Variants in KCNH7 observed in about 807,000 individuals in gnomAD.
KCNH7 encodes the protein voltage-gated inwardly rectifying potassium channel KCNH7.
In KCNH7, 49 loss-of-function variants were observed where a neutral mutation model predicts 120.8. The ratio of observed to expected loss-of-function variants is 0.41; its 90% CI spans 0.32 to 0.51. The LOEUF (loss-of-function observed/expected upper bound fraction) is 0.51, where lower values mean the gene tolerates loss of function less well. Among genes scored for constraint, KCNH7 ranks in the 20% least tolerant of loss-of-function variants. The probability of loss-of-function intolerance (pLI) is 0.38; values close to 1 mark genes in which losing one functional copy is unlikely to be tolerated. For missense variants in KCNH7, 1,097 were observed against 1,446.6 expected, an observed-to-expected ratio of 0.76 and a Z score of 3.92; for synonymous variants, 547 against 516.1, an observed-to-expected ratio of 1.06 and a Z score of -0.81.
intron 3 of KCNH7, among the ~76,000 whole-genome samples, chr2:162,527,537 T>C (rs1012022851): frequency 6.6e-6 from 1 of 151,992 alleles, no homozygotes; most frequent in African/African-American, 2.4e-5. Context: ...GAGGCAAATG[T>C]GTATTTTATG....
intron 2 of KCNH7, among the ~76,000 whole-genome samples, chr2:162,753,483 C>A (rs898645097): frequency 6.6e-6 from 1 of 152,164 alleles, no homozygotes; most frequent in African/African-American, 2.4e-5. Context: ...AGAAAAAATT[C>A]TGAGCAGATG....
intron 2 of KCNH7, among the ~76,000 whole-genome samples, chr2:162,684,929 C>G (rs370639240): frequency 6.6e-6 from 1 of 152,056 alleles, no homozygotes; most frequent in Non-Finnish European, 1.5e-5. Context: ...TTCACAATGG[C>G]AAAGACTTGG....
intron 6 of KCNH7, among the ~76,000 whole-genome samples, chr2:162,471,108 C>CGGAGGG (rs1479337070): frequency 6.6e-6 from 1 of 152,144 alleles, no homozygotes; most frequent in Non-Finnish European, 1.5e-5. Flanking sequence ...ACAAACACTG[C>CGGAGGG]GGAGGGCCGC....
At chr2:162,818,149 T>C (rs1684981326) in intron 2 of KCNH7, among the ~76,000 whole-genome samples, 1 of 151,970 alleles carries the variant, frequency 6.6e-6, no homozygotes, top group Non-Finnish European at 1.5e-5. Flanking sequence ...ATTCTTATAG[T>C]TAGTGCCTTT....
At chr2:162,757,390 A>G (rs566741533) in intron 2 of KCNH7, among the ~76,000 whole-genome samples, 1 of 152,282 alleles carries the variant, frequency 6.6e-6, no homozygotes, top group Non-Finnish European at 1.5e-5. Context: ...TAGTCTATTT[A>G]ATGAATTTTT....
intron 9 of KCNH7, among the ~76,000 whole-genome samples, chr2:162,418,306 G>C (rs1687598831): frequency 6.6e-6 from 1 of 152,018 alleles, no homozygotes; most frequent in African/African-American, 2.4e-5. Context: ...CTGGATATGA[G>C]GGCATCATAT....
At chr2:162,710,730 C>T (rs969606970) in intron 2 of KCNH7, among the ~76,000 whole-genome samples, 2 of 152,144 alleles carry the variant, frequency 1.3e-5, no homozygotes, top group African/African-American at 4.8e-5. Flanking sequence ...GAGCTGCCTG[C>T]TAGCAGCTGC....
intron 2 of KCNH7, among the ~76,000 whole-genome samples, chr2:162,631,668 C>T (rs955827879): frequency 2.6e-5 from 4 of 151,840 alleles, no homozygotes; most frequent in African/African-American, 9.7e-5. Flanking sequence ...CAAAAAGTAT[C>T]TGAAACATCA....
chr2:162,493,668 C>T (rs1690401606), intron 6 of KCNH7, among the ~76,000 whole-genome samples: 1 of 152,082 alleles, frequency 6.6e-6, no homozygotes, highest in Admixed American at 6.6e-5. Flanking sequence ...AAATAACTTA[C>T]CAGGTTTTAC....
intron 2 of KCNH7, among the ~76,000 whole-genome samples, chr2:162,725,101 T>C (rs1161098870): frequency 6.6e-6 from 1 of 152,232 alleles, no homozygotes; most frequent in Non-Finnish European, 1.5e-5. Flanking sequence ...GTGTTTAGAA[T>C]CAAAGAAGAT....
At chr2:162,835,980 T>G (rs1203750096) in intron 2 of KCNH7, among the ~76,000 whole-genome samples, 1 of 152,198 alleles carries the variant, frequency 6.6e-6, no homozygotes, top group Non-Finnish European at 1.5e-5. Flanking sequence ...CTTTATTGTT[T>G]GAATATGCAC....
At chr2:162,391,471 G>A (rs1686743708) in intron 12 of KCNH7, among the ~76,000 whole-genome samples, 1 of 152,030 alleles carries the variant, frequency 6.6e-6, no homozygotes, top group African/African-American at 2.4e-5. Flanking sequence ...GTTAACTGGA[G>A]TTAATTGTGT....
chr2:162,740,164 A>G (rs1688071736), intron 2 of KCNH7, among the ~76,000 whole-genome samples: 1 of 152,192 alleles, frequency 6.6e-6, no homozygotes, highest in African/African-American at 2.4e-5. Flanking sequence ...CTTTTGTGTC[A>G]GGACCCGAGC....
At chr2:162,798,962 T>G (rs757750117) in intron 2 of KCNH7, among the ~76,000 whole-genome samples, 13 of 151,966 alleles carry the variant, frequency 8.6e-5, no homozygotes, top group Non-Finnish European at 1.5e-4. Context: ...TCACATACTG[T>G]ACATTTTGGA....
chr2:162,463,936 C>T (rs968842347), intron 6 of KCNH7, among the ~76,000 whole-genome samples: 1 of 151,786 alleles, frequency 6.6e-6, no homozygotes, highest in Non-Finnish European at 1.5e-5. Context: ...ATCATGTATT[C>T]TACTGAAAGC....
chr2:162,422,959 T>C (rs1266318747), intron 9 of KCNH7, among the ~76,000 whole-genome samples: 4 of 152,182 alleles, frequency 2.6e-5, no homozygotes, highest in Non-Finnish European at 5.9e-5. Flanking sequence ...GCATCATAAT[T>C]ATTACTGTTT....
intron 2 of KCNH7, among the ~76,000 whole-genome samples, chr2:162,640,280 C>A (rs1324550517): frequency 1.3e-5 from 2 of 151,934 alleles, no homozygotes; most frequent in Non-Finnish European, 1.5e-5. Flanking sequence ...AAGTAATTAG[C>A]CTATATGATT....
intron 2 of KCNH7, among the ~76,000 whole-genome samples, chr2:162,678,369 GA>G: frequency 6.6e-6 from 1 of 151,492 alleles, no homozygotes; most frequent in East Asian, 1.9e-4. Flanking sequence ...AAGGAATGAT[GA>G]TATCCCTGAA....
intron 2 of KCNH7, among the ~76,000 whole-genome samples, chr2:162,638,974 C>A (rs1684055271): frequency 6.6e-6 from 1 of 152,108 alleles, no homozygotes. Context: ...ACTCATAATT[C>A]TTTGTTATCG....
Sources: allele counts gnomAD v4.1 joint callset (sites outside exome capture counted in the v4.1 genomes callset), GRCh38; gene constraint gnomAD v4.1.1; transcripts MANE v1.5; gene names NCBI Gene and HGNC (gene_info 2026-07-23, HGNC 2026-07-21).